Variants in NOP53 observed in about 807,000 individuals in gnomAD.
The protein encoded by NOP53 is NOP53 ribosome biogenesis factor, also known as ribosome biogenesis protein NOP53.
Under a neutral mutation model 61.0 loss-of-function variants are expected in NOP53, and 40 were observed. That is an observed-to-expected ratio of 0.66 (90% CI 0.51 to 0.85). The LOEUF (loss-of-function observed/expected upper bound fraction) is 0.85. Among genes scored for constraint, NOP53 ranks in the 40% least tolerant of loss-of-function variants. NOP53 has a pLI of 0.00. For synonymous variants in NOP53, 308 were observed against 289.5 expected (o/e 1.06, Z -0.65); for missense variants, 689 against 652.9 (o/e 1.06, Z -0.60).
rs370680014 is a variant in NOP53, at chr19:47,754,524, C to T, written c.766-3C>T. On this transcript the variant is annotated splice_polypyrimidine_tract_variant and splice_region_variant and intron_variant, in intron 6 of 12. Transcript: ENST00000246802. The surrounding 1 kb of genome is among the most constrained non-coding windows in gnomAD (Gnocchi z 4.2). ...GGGACCCATCCTCACTCCCGCCCCTCAGACCCTGCTCTCAGCGGCCCACGA... is the reference window on the plus strand; with the variant it reads ...GGGACCCATCCTCACTCCCGCCCCTTAGACCCTGCTCTCAGCGGCCCACGA... The T allele has an allele frequency of 1.7e-3, 2,656 of 1,548,284 alleles. 3 individuals carry two copies. The highest frequency in any genetic ancestry group is 1.9e-3 in the Non-Finnish European group (2,210 of 1,145,908).
At chr19:47,748,191 C>T (rs1417007274) in intron 2 of NOP53, among the ~76,000 whole-genome samples, 1 of 152,006 alleles carries the variant, frequency 6.6e-6, no homozygotes, top group East Asian at 1.9e-4. Context: ...TCCCAAAGTG[C>T]TGGGGTTATA....
At chr19:47,755,050 C>A (rs73571525) in intron 8 of NOP53, among the ~76,000 whole-genome samples, 159 bp downstream of exon 8, 1 of 152,108 alleles carries the variant, frequency 6.6e-6, no homozygotes, top group Non-Finnish European at 1.5e-5. Flanking sequence ...AGCTGAGACT[C>A]ATTTCCCAGC....
chr19:47,749,644 A>C (rs953927823), intron 2 of NOP53, among the ~76,000 whole-genome samples: 1 of 151,946 alleles, frequency 6.6e-6, no homozygotes, highest in African/African-American at 2.4e-5. Flanking sequence ...GACAGTAAAA[A>C]CCAGAGAACT....
Position 47,754,419 on chromosome 19 carries a change from C to G in NOP53, c.766-108C>G, listed in dbSNP as rs1441992743. 1.2e-6 allele frequency: 1 copy of G among 858,478 alleles called. No homozygotes were observed. Among genetic ancestry groups the G allele is most frequent in the East Asian group, 2.7e-5 (1 of 37,342 alleles). 53.2% of individuals were successfully genotyped at this position (858,478 alleles called of 1,614,324 possible). ...GGGGTGTGGGGAGGAAAGCCTGGGC[C>G]GGGGCGGGATCCACGGGCACTGGAT... On this transcript the variant is annotated intron_variant, in intron 6 of 12. Coordinates refer to ENST00000246802, the MANE Select transcript of NOP53 (RefSeq NM_015710.5). This position sits in a 1 kb window ranked among gnomAD's most constrained non-coding sequence, Gnocchi z 4.2.
intron 11 of NOP53, 28 bp from the exon 12 acceptor site, chr19:47,756,660 A>G: frequency 6.2e-7 from 1 of 1,613,894 alleles, no homozygotes. Flanking sequence ...GGCCCCGGGC[A>G]CTGATTGCTC....
Position 47,754,926 on chromosome 19 carries a change from G to A in NOP53, c.1053+35G>A. 6.8e-7 allele frequency: 1 copy of A among 1,473,334 alleles called. No individual in the cohort carries two copies. Among genetic ancestry groups the A allele is most frequent in the Non-Finnish European group, 8.9e-7 (1 of 1,121,160 alleles). The allele number at this position is 1,473,334 out of a possible 1,614,324, so 91.3% of individuals were successfully genotyped here. A position where few individuals can be genotyped will look rare whatever the true frequency, so the allele number is the denominator to read the frequency against. ...TGGGCCAGCGGGGCCTGCCTCTGAT[G>A]CCTCGCCCCCTTCCTTCCTTCCTCC... On this transcript the variant is annotated intron_variant, in intron 8 of 12. Transcript: ENST00000246802. This position sits in a 1 kb window ranked among gnomAD's most constrained non-coding sequence, Gnocchi z 4.2.
At chr19:47,751,282 C>G (rs1967122073) in intron 4 of NOP53, 175 bp downstream of exon 4, 1 of 685,872 alleles carries the variant, frequency 1.5e-6, no homozygotes, top group African/African-American at 1.8e-5. Flanking sequence ...CGTGCTTTTC[C>G]TTTCCTGAGT....
chr19:47,747,116 G>C, intron 2 of NOP53, 85 bp downstream of exon 2: 1 of 1,116,966 alleles, frequency 9.0e-7, no homozygotes, highest in Non-Finnish European at 1.3e-6. Flanking sequence ...TGTTAATGAT[G>C]TGGCTTGGAA....
At chr19:47,752,474 A>G in intron 5 of NOP53, 38 bp from the exon 6 acceptor site, 9 of 1,305,724 alleles carry the variant, frequency 6.9e-6, no homozygotes, top group Non-Finnish European at 9.9e-6. Context: ...CGCAGCCCCA[A>G]CGCACGGCCT....
intron 10 of NOP53, chr19:47,756,250 C>T (rs997484582): frequency 1.1e-5 from 6 of 556,868 alleles, no homozygotes; most frequent in African/African-American, 5.6e-5. Flanking sequence ...GTGCCTTCTC[C>T]CTCTGATCCA....
At chr19:47,747,526 C>G (rs368639824) in intron 2 of NOP53, among the ~76,000 whole-genome samples, 1 of 152,030 alleles carries the variant, frequency 6.6e-6, no homozygotes, top group Non-Finnish European at 1.5e-5. Context: ...CCTGTAATCC[C>G]AGCTACTTGG....
intron 2 of NOP53, among the ~76,000 whole-genome samples, chr19:47,747,480 A>G (rs1391745722): frequency 3.9e-5 from 6 of 152,102 alleles, no homozygotes; most frequent in Non-Finnish European, 5.9e-5. Context: ...CGTCTCTGCT[A>G]AAAATACAAA....
rs1967172223 is a variant in NOP53, at chr19:47,754,991, C to T, written c.1053+100C>T. The T allele has an allele frequency of 2.7e-6, 3 of 1,113,108 alleles. No homozygotes were observed. The South Asian group carries it at 5.1e-5, about 19-fold the overall frequency. The allele number at this position is 1,113,108 out of a possible 1,614,324, so 69.0% of individuals were successfully genotyped here. On this transcript the variant is annotated intron_variant, in intron 8 of 12. Transcript: ENST00000246802. This position sits in a 1 kb window ranked among gnomAD's most constrained non-coding sequence, Gnocchi z 4.2. ...CTGGGTGCTGCGGGCAGCCTGCACA[C>T]CCCAAGCCCCGCATGTGGCCTGTGG...
intron 3 of NOP53, 90 bp from the exon 4 acceptor site, chr19:47,750,818 A>G (rs1967114838): frequency 1.8e-6 from 2 of 1,081,430 alleles, no homozygotes; most frequent in East Asian, 2.6e-5. Context: ...AGCTGCCTTA[A>G]TGGTGGAGGA....
Position 47,750,892 on chromosome 19 carries a change from C to G in NOP53, c.399-16C>G. On this transcript the variant is annotated splice_polypyrimidine_tract_variant and intron_variant, in intron 3 of 12. Transcript: ENST00000246802. ...CCACCTCACCTGCTGCACTTGTGCC[C>G]CCTCTCCCCGACCAGCGTCCTCGCC... 6.4e-7 allele frequency: 1 copy of G among 1,568,126 alleles called. No homozygotes were observed. The highest frequency in any genetic ancestry group is 1.3e-5 in the African/African-American group (1 of 74,220).
intron 10 of NOP53, chr19:47,756,231 G>T: frequency 1.8e-6 from 1 of 542,296 alleles, no homozygotes; most frequent in Non-Finnish European, 3.3e-6. Flanking sequence ...TTGTGCTCAT[G>T]AGCGGACTGT....
Position 47,747,779 on chromosome 19 carries a change from CTTTTTTTTTT to C in NOP53, c.289+764_289+773del, listed in dbSNP as rs750831883. Among the ~76,000 whole-genome samples, 13 of 56,892 alleles carry C rather than the reference CTTTTTTTTTT, an allele frequency of 2.3e-4. No homozygotes were observed. The South Asian group carries it at 3.0e-3, about 13-fold the overall frequency. The allele number at this position is 56,892 out of a possible 152,430, so 37.3% of individuals were successfully genotyped here. A position where few individuals can be genotyped will look rare whatever the true frequency, so the allele number is the denominator to read the frequency against. On this transcript the variant is annotated intron_variant, in intron 2 of 12. Coordinates refer to ENST00000246802, the MANE Select transcript of NOP53 (RefSeq NM_015710.5). ...CTAATTTCTTTTCTTTTCTCTCTCTCTTTTTTTTTTTTTTTTTTTTTTTTTGAGATGGAGT... is the reference window on the plus strand; with the variant it reads ...CTAATTTCTTTTCTTTTCTCTCTCTCTTTTTTTTTTTTTTTGAGATGGAGT...
At chr19:47,753,161 TGGCCGGGTGCG>T (rs976606585) in intron 6 of NOP53, 1 of 152,912 alleles carries the variant, frequency 6.5e-6, no homozygotes, top group African/African-American at 2.4e-5. Context: ...ACCCCTCCCT[TGGCCGGGTGCG>T]GTGCCTCACA....
At chr19:47,752,803 C>A (rs1038823371) in intron 6 of NOP53, 196 bp downstream of exon 6, 2 of 532,776 alleles carry the variant, frequency 3.8e-6, no homozygotes, top group Non-Finnish European at 6.8e-6. Context: ...GGAGCCCAGA[C>A]GGGGCACCTG....
Sources: gnomAD v4.1 joint callset for allele counts (sites outside exome capture counted in the v4.1 genomes callset) on GRCh38, gnomAD v4.1.1 for gene constraint, Gnocchi (gnomAD v3.1) non-coding constraint, MANE v1.5 for transcripts, NCBI Gene and HGNC (gene_info 2026-07-23, HGNC 2026-07-21) for gene names.